The following EFNA5 variants were observed in gnomAD, a reference collection of about 807,000 sequenced individuals.
EFNA5 encodes ephrin A5.
Under a neutral mutation model 22.9 loss-of-function variants are expected in EFNA5, and 5 were observed. That is an observed-to-expected ratio of 0.22 (90% CI 0.11 to 0.46). EFNA5 has a LOEUF of 0.46. Ranked by LOEUF, EFNA5 falls within the 20% of genes least tolerant of loss-of-function variation. The pLI is 0.99. For synonymous variants in EFNA5, 113 were observed against 112.2 expected (o/e 1.01, Z -0.04); for missense variants, 237 against 293.3 (o/e 0.81, Z 1.40).
rs993073043 is a variant in EFNA5 at position 107,379,070 on chromosome 5, C to T, written c.*2185G>A. The T allele has an allele frequency of 3.9e-5, 6 of 152,042 alleles. No individual in the cohort carries two copies. Among genetic ancestry groups the T allele is most frequent in the Admixed American group, 6.5e-5 (1 of 15,272 alleles). The allele number at this position is 152,042 out of a possible 1,614,324, so 9.4% of individuals were successfully genotyped here. A position where few individuals can be genotyped will look rare whatever the true frequency, so the allele number is the denominator to read the frequency against. The stretch of plus-strand genomic sequence containing the variant: ...GCTAAAGGAAAAAGGAATTGAATGC[C>T]GTGAACTTTTGTTTTGGTGAAATGG... On this transcript the variant is annotated 3_prime_UTR_variant, in exon 5 of 5. Transcript: ENST00000333274.
At chr5:107,462,591 A>G (rs555535466) in intron 1 of EFNA5, among the ~76,000 whole-genome samples, 10 of 152,274 alleles carry the variant, frequency 6.6e-5, no homozygotes, top group Admixed American at 4.6e-4. Flanking sequence ...CACTAGTCCA[A>G]TGGAAACACT....
intron 1 of EFNA5, among the ~76,000 whole-genome samples, chr5:107,481,273 G>A (rs1401575556): frequency 6.6e-6 from 1 of 152,188 alleles, no homozygotes; most frequent in Admixed American, 6.5e-5. Context: ...GTGAGTTGGG[G>A]AAACAATCTG....
chr5:107,476,209 G>A (rs980599417), intron 1 of EFNA5, among the ~76,000 whole-genome samples: 10 of 149,398 alleles, frequency 6.7e-5, no homozygotes, highest in African/African-American at 2.5e-4. Flanking sequence ...CTGCCACCAC[G>A]CCCAGCTAAT....
intron 2 of EFNA5, among the ~76,000 whole-genome samples, chr5:107,411,337 A>C (rs1189455889): frequency 6.6e-6 from 1 of 152,222 alleles, no homozygotes; most frequent in African/African-American, 2.4e-5. Context: ...AAACCAACAA[A>C]AAAAATACTC....
intron 1 of EFNA5, among the ~76,000 whole-genome samples, chr5:107,618,675 G>A (rs568739454): frequency 6.6e-6 from 1 of 152,256 alleles, no homozygotes; most frequent in East Asian, 1.9e-4. Flanking sequence ...TGCTATTTTG[G>A]AGAAAACTTA....
intron 1 of EFNA5, among the ~76,000 whole-genome samples, chr5:107,531,701 C>T (rs908321598): frequency 1.3e-5 from 2 of 152,152 alleles, no homozygotes; most frequent in African/African-American, 2.4e-5. Context: ...AATCTATCAG[C>T]GTTTGGGTGT....
chr5:107,618,677 G>GA (rs1261410687), intron 1 of EFNA5, among the ~76,000 whole-genome samples: 4 of 152,170 alleles, frequency 2.6e-5, no homozygotes, highest in Non-Finnish European at 1.5e-5. Flanking sequence ...CTATTTTGGA[G>GA]AAAACTTATA....
At chr5:107,535,451 GA>G (rs1185794256) in intron 1 of EFNA5, among the ~76,000 whole-genome samples, 4 of 151,844 alleles carry the variant, frequency 2.6e-5, no homozygotes, top group African/African-American at 9.7e-5. Context: ...GAACAATGCA[GA>G]AAAACATAGA....
chr5:107,638,522 A>T (rs559491444), intron 1 of EFNA5, among the ~76,000 whole-genome samples: 25 of 152,360 alleles, frequency 1.6e-4, no homozygotes, highest in South Asian at 4.1e-4. Flanking sequence ...AAATATTTTT[A>T]AAAAAGTAAG....
intron 1 of EFNA5, among the ~76,000 whole-genome samples, chr5:107,625,448 T>C (rs1489098058): frequency 2.0e-5 from 3 of 152,168 alleles, no homozygotes; most frequent in Non-Finnish European, 4.4e-5. Flanking sequence ...GCCTTGTTGA[T>C]TATTTTCCCA....
Position 107,587,517 on chromosome 5 carries a change from TTTG to T in EFNA5, c.125+82969_125+82971del, listed in dbSNP as rs375497148. 7.9e-3 allele frequency among the ~76,000 whole-genome samples: 1,199 copies of T among 152,244 alleles called. 21 individuals carry two copies. Among genetic ancestry groups the T allele is most frequent in the African/African-American group, 0.026 (1,092 of 41,540 alleles). ...CTCCTTGTTTTTGCCACCTATAGTT[TTTG>T]TTGTTGTTGTTTTTGAGATGGAGTC... On this transcript the variant is annotated intron_variant, in intron 1 of 4. Coordinates refer to ENST00000333274, the MANE Select transcript of EFNA5 (RefSeq NM_001962.3).
intron 1 of EFNA5, among the ~76,000 whole-genome samples, chr5:107,518,400 C>G (rs1384021773): frequency 6.6e-6 from 1 of 152,018 alleles, no homozygotes; most frequent in Non-Finnish European, 1.5e-5. Flanking sequence ...GTTGATAATG[C>G]ACACACATCT....
At chr5:107,431,901 C>T (rs1331659840) in intron 1 of EFNA5, among the ~76,000 whole-genome samples, 2 of 152,160 alleles carry the variant, frequency 1.3e-5, no homozygotes, top group Non-Finnish European at 2.9e-5. Context: ...TCAGAGAGGG[C>T]ATTGTCCAAC....
At chr5:107,669,684 G>A (rs1164041048) in intron 1 of EFNA5, among the ~76,000 whole-genome samples, 1 of 152,084 alleles carries the variant, frequency 6.6e-6, no homozygotes, top group African/African-American at 2.4e-5. Flanking sequence ...CCAGGTAATC[G>A]CGCGCGTTCC....
intron 2 of EFNA5, among the ~76,000 whole-genome samples, chr5:107,398,191 C>T (rs1049974228): frequency 3.9e-5 from 6 of 152,122 alleles, no homozygotes; most frequent in Admixed American, 3.3e-4. Flanking sequence ...CTTGTACCAA[C>T]AATATTCCCT....
chr5:107,669,507 G>A (rs999248937), intron 1 of EFNA5, among the ~76,000 whole-genome samples: 1 of 152,046 alleles, frequency 6.6e-6, no homozygotes, highest in Non-Finnish European at 1.5e-5. Flanking sequence ...CAGACCCGGA[G>A]GACCCCGCCG....
At chr5:107,587,624 C>G (rs1159457081) in intron 1 of EFNA5, among the ~76,000 whole-genome samples, 8 of 152,194 alleles carry the variant, frequency 5.3e-5, no homozygotes, top group African/African-American at 1.9e-4. Flanking sequence ...TCATGCCATT[C>G]TCCTGCCTCA....
At chr5:107,415,335 C>T (rs1748475329) in intron 2 of EFNA5, among the ~76,000 whole-genome samples, 2 of 152,106 alleles carry the variant, frequency 1.3e-5, no homozygotes, top group South Asian at 4.1e-4. Context: ...CTACTACTCC[C>T]TATTGCCTGT....
intron 2 of EFNA5, among the ~76,000 whole-genome samples, chr5:107,395,151 G>A (rs150535167): frequency 0.024 from 3,538 of 145,960 alleles, 150 homozygotes; most frequent in African/African-American, 0.084. Flanking sequence ...CGATTCTCCT[G>A]TCTCAGCCTC....
Sources: allele counts gnomAD v4.1 joint callset (sites outside exome capture counted in the v4.1 genomes callset), GRCh38; gene constraint gnomAD v4.1.1; transcripts MANE v1.5; gene names NCBI Gene and HGNC (gene_info 2026-07-23, HGNC 2026-07-21).